The following PROSER2 variants were observed in gnomAD, a reference collection of about 807,000 sequenced individuals.
PROSER2 encodes the protein proline and serine-rich protein 2.
Under a neutral mutation model 14.6 loss-of-function variants are expected in PROSER2, and 18 were observed. The ratio of observed to expected loss-of-function variants is 1.23; its 90% CI spans 0.85 to 1.83. PROSER2 has a LOEUF of 1.83. Among genes scored for constraint, PROSER2 ranks in the 40% most tolerant of loss-of-function variants. The pLI is 0.00. For missense variants in PROSER2, 823 were observed against 629.8 expected (o/e 1.31, Z -3.28); for synonymous variants, 367 against 286.4 (o/e 1.28, Z -2.84).
chr10:11,844,236 C>G (rs1396747306), intron 1 of PROSER2, among the ~76,000 whole-genome samples: 2 of 152,050 alleles, frequency 1.3e-5, no homozygotes, highest in Non-Finnish European at 2.9e-5. Context: ...AAGAAATGCT[C>G]CCACTCAGCC....
At chr10:11,851,894 C>A (rs895288052) in intron 1 of PROSER2, 103 bp from the exon 2 acceptor site, 2 of 501,160 alleles carry the variant, frequency 4.0e-6, no homozygotes, top group Admixed American at 4.3e-5. Flanking sequence ...CCCTAATGGT[C>A]GAGTCTGAGA....
rs148750336 is a variant in PROSER2, at chr10:11,838,629, T to A, written c.-81-13368T>A. On this transcript the variant is annotated intron_variant, in intron 1 of 3. Coordinates refer to ENST00000277570, the MANE Select transcript of PROSER2 (RefSeq NM_153256.4). The surrounding 1 kb of genome is among the most constrained non-coding windows in gnomAD (Gnocchi z 4.4). ...GTTGTATGAATTCATTCCCAGCAGG[T>A]TCACCAAGGTTGACCCACATTCTTG... is the stretch of plus-strand genomic sequence containing the variant. 4.8e-3 allele frequency among the ~76,000 whole-genome samples: 725 copies of A among 152,364 alleles called. 19 individuals carry two copies. Among genetic ancestry groups the A allele is most frequent in the East Asian group, 8.1e-3 (42 of 5,196 alleles).
chr10:11,870,369 C>T lies in PROSER2; in HGVS notation c.1271C>T (p.Ala424Val). ...RGSSEEARRE[A>V]LRKLGLLRES... The stretch of plus-strand genomic sequence containing the variant: ...TCCTCGGAGGAGGCGCGCAGGGAGG[C>T]CCTGCGGAAGCTGGGGCTGCTCAGG... Residue 424 changes from alanine (A) to valine (V), a missense_variant, in exon 4 of 4, where the codon GCC (alanine) becomes GTC (valine). Coordinates refer to ENST00000277570, the MANE Select transcript of PROSER2 (RefSeq NM_153256.4). 2 of 1,507,020 alleles carry T rather than the reference C, an allele frequency of 1.3e-6. No individual in the cohort carries two copies. The highest frequency in any genetic ancestry group is 1.8e-6 in the Non-Finnish European group (2 of 1,129,704). 93.4% of individuals were successfully genotyped at this position (1,507,020 alleles called of 1,614,324 possible).
intron 2 of PROSER2, among the ~76,000 whole-genome samples, chr10:11,860,173 A>G (rs763256011): frequency 6.6e-6 from 1 of 152,260 alleles, no homozygotes; most frequent in Non-Finnish European, 1.5e-5. Flanking sequence ...GCACAAGGCC[A>G]GACTGACTAC....
chr10:11,851,717 A>G (rs1247790311), intron 1 of PROSER2: 3 of 158,404 alleles, frequency 1.9e-5, no homozygotes, highest in Non-Finnish European at 4.1e-5. Context: ...GGAGCCCAAG[A>G]GTTCAGTGTC....
In PROSER2 at chr10:11,838,925, G is replaced by A. The variant is rs1833798529; in HGVS notation, c.-81-13072G>A. On this transcript the variant is annotated intron_variant, in intron 1 of 3. Transcript: ENST00000277570. The surrounding 1 kb of genome is among the most constrained non-coding windows in gnomAD (Gnocchi z 4.4). ...ACATAGTACATATCTTCTATGAGCT[G>A]GCAGCTTTTCTCTTAATATTGTCTA... Among the ~76,000 whole-genome samples, 1 of 152,028 alleles carries A rather than the reference G, an allele frequency of 6.6e-6. No individual in the cohort carries two copies. Among genetic ancestry groups the A allele is most frequent in the Non-Finnish European group, 1.5e-5 (1 of 68,006 alleles).
intron 1 of PROSER2, among the ~76,000 whole-genome samples, chr10:11,833,461 G>A (rs1014530116): frequency 1.3e-5 from 2 of 151,730 alleles, no homozygotes; most frequent in Non-Finnish European, 2.9e-5. Context: ...GAGGCCAAGA[G>A]GGGTGGATCA....
chr10:11,858,469 A>G (rs934818526), intron 2 of PROSER2, among the ~76,000 whole-genome samples: 1 of 152,112 alleles, frequency 6.6e-6, no homozygotes, highest in Non-Finnish European at 1.5e-5. Flanking sequence ...TGCCATCTCT[A>G]TGCAGGAGTC....
intron 1 of PROSER2, chr10:11,831,712 C>G (rs950505691): frequency 1.3e-5 from 2 of 152,134 alleles, no homozygotes; most frequent in African/African-American, 4.8e-5. Flanking sequence ...AGATTGTTTT[C>G]AGGTGAGATT....
intron 1 of PROSER2, among the ~76,000 whole-genome samples, chr10:11,842,405 C>G (rs749037831): frequency 6.6e-6 from 1 of 151,408 alleles, no homozygotes; most frequent in Non-Finnish European, 1.5e-5. Flanking sequence ...CATTTATCCC[C>G]TCCTCTAATT....
chr10:11,853,768 G>A (rs886407072), intron 2 of PROSER2, among the ~76,000 whole-genome samples: 4 of 151,976 alleles, frequency 2.6e-5, no homozygotes, highest in South Asian at 2.1e-4. Context: ...TTCTTTGATC[G>A]CTAAAGGTGA....
rs1372625986 is a variant in PROSER2 at position 11,871,171 on chromosome 10, A to T, written c.*765A>T. 1.3e-5 allele frequency: 2 copies of T among 152,212 alleles called. No homozygotes were observed. Among genetic ancestry groups the T allele is most frequent in the Non-Finnish European group, 2.9e-5 (2 of 68,054 alleles). 9.4% of individuals were successfully genotyped at this position (152,212 alleles called of 1,614,324 possible). The stretch of plus-strand genomic sequence containing the variant: ...ATAGGTATCCTGTGTGTCCACATGC[A>T]TCATTATTATATAAATAGAAACTTC... On this transcript the variant is annotated 3_prime_UTR_variant, in exon 4 of 4. Transcript: ENST00000277570.
In PROSER2 at chr10:11,870,371, C is replaced by A. The variant is rs1177968298; in HGVS notation, c.1273C>A (p.Leu425Met). The A allele has an allele frequency of 1.3e-6, 2 of 1,507,186 alleles. No homozygotes were observed. The highest frequency in any genetic ancestry group is 1.5e-5 in the African/African-American group (1 of 68,774). The allele number at this position is 1,507,186 out of a possible 1,614,324, so 93.4% of individuals were successfully genotyped here. Residue 425 changes from leucine to methionine, a missense_variant, in exon 4 of 4, where the codon CTG becomes ATG. By Grantham distance (15) the Leu-to-Met change is conservative (BLOSUM62 2). Transcript: ENST00000277570. ...CTCGGAGGAGGCGCGCAGGGAGGCC[C>A]TGCGGAAGCTGGGGCTGCTCAGGGA... The part of the protein sequence containing the change: ...GSSEEARREA[L>M]RKLGLLRESS
rs1391915484 is a variant in PROSER2 at position 11,870,176 on chromosome 10, G to C, written c.1078G>C (p.Ala360Pro). The C allele has an allele frequency of 2.0e-6, 3 of 1,481,870 alleles. No homozygotes were observed. The highest frequency in any genetic ancestry group is 2.7e-6 in the Non-Finnish European group (3 of 1,123,160). 91.8% of individuals were successfully genotyped at this position (1,481,870 alleles called of 1,614,324 possible). A position where few individuals can be genotyped will look rare whatever the true frequency, so the allele number is the denominator to read the frequency against. ...EALKSAPSSF[A>P]PAGKSLCFRP... Reference sequence around the variant, plus strand: ...CCTGAAGAGCGCACCCAGCTCCTTCGCGCCCGCTGGGAAGTCCCTCTGCTT... The same window carrying C: ...CCTGAAGAGCGCACCCAGCTCCTTCCCGCCCGCTGGGAAGTCCCTCTGCTT... The change falls in exon 4 of 4, where the codon GCG becomes CCG. Residue 360 changes from alanine (A) to proline (P), a missense_variant. Ala to Pro is a conservative substitution (Grantham distance 27). Transcript: ENST00000277570.
At chr10:11,853,754 T>C (rs1834073811) in intron 2 of PROSER2, among the ~76,000 whole-genome samples, 1 of 152,208 alleles carries the variant, frequency 6.6e-6, no homozygotes, top group Non-Finnish European at 1.5e-5. Context: ...GTTTAAATTA[T>C]TTTTTCTTTG....
Position 11,870,412 on chromosome 10 carries a change from G to C in PROSER2, c.*6G>C. On this transcript the variant is annotated 3_prime_UTR_variant, in exon 4 of 4. Coordinates refer to ENST00000277570, the MANE Select transcript of PROSER2 (RefSeq NM_153256.4). ...TGCTCAGGGAGAGTTCGTGAGGGCC[G>C]CGCGGGCTCCAGTCCACCCCGTTTC... 6.7e-7 allele frequency: 1 copy of C among 1,481,484 alleles called. No homozygotes were observed. Among genetic ancestry groups the C allele is most frequent in the Non-Finnish European group, 8.9e-7 (1 of 1,119,264 alleles). The allele number at this position is 1,481,484 out of a possible 1,614,324, so 91.8% of individuals were successfully genotyped here.
intron 1 of PROSER2, among the ~76,000 whole-genome samples, chr10:11,835,362 C>CGTGT (rs1365221404): frequency 2.0e-5 from 3 of 151,868 alleles, no homozygotes; most frequent in Non-Finnish European, 4.4e-5. Flanking sequence ...AGGAACCAGG[C>CGTGT]GTGTGCTCAG....
rs779255359 is a variant in PROSER2 at position 11,836,603 on chromosome 10, G to A, written c.-82+13133G>A. ...ATGCACGCCGGCCCCTTCCTAGCGT[G>A]TAGGTGTGCACTTTGACCCTGCTGT... On this transcript the variant is annotated intron_variant, in intron 1 of 3. Transcript: ENST00000277570. This position sits in a 1 kb window ranked among gnomAD's most constrained non-coding sequence, Gnocchi z 4.6. Among the ~76,000 whole-genome samples the A allele has an allele frequency of 4.7e-4, 72 of 152,176 alleles. 1 individual carries two copies. Among genetic ancestry groups the A allele is most frequent in the Admixed American group, 4.4e-3 (67 of 15,268 alleles).
intron 1 of PROSER2, among the ~76,000 whole-genome samples, chr10:11,846,079 C>T (rs962585494): frequency 6.6e-6 from 1 of 152,086 alleles, no homozygotes; most frequent in Non-Finnish European, 1.5e-5. Context: ...CTCTACCTCC[C>T]GGTTTCAAGC....
Sources: gnomAD v4.1 joint callset for allele counts (sites outside exome capture counted in the v4.1 genomes callset) on GRCh38, gnomAD v4.1.1 for gene constraint, Gnocchi (gnomAD v3.1) non-coding constraint, MANE v1.5 for transcripts, NCBI Gene and HGNC (gene_info 2026-07-23, HGNC 2026-07-21) for gene names.